Variants in SNX24 observed in about 807,000 individuals in gnomAD.
The protein encoded by SNX24 is sorting nexin 24, also known as sorting nexin-24.
A neutral mutation model predicts 28.7 loss-of-function variants in SNX24; 22 were observed. The ratio of observed to expected loss-of-function variants is 0.77; its 90% CI spans 0.55 to 1.10. The LOEUF (loss-of-function observed/expected upper bound fraction) is 1.10, where lower values mean the gene tolerates loss of function less well. SNX24 is among the 50% of genes least tolerant of loss of function. SNX24 has a pLI of 0.00. For synonymous variants in SNX24, 69 were observed against 71.5 expected (o/e 0.96, Z 0.18); for missense variants, 221 against 201.1 (o/e 1.10, Z -0.60).
At chr5:122,952,442 A>G (rs371923425) in intron 3 of SNX24, among the ~76,000 whole-genome samples, 25 of 152,164 alleles carry the variant, frequency 1.6e-4, no homozygotes, top group African/African-American at 5.1e-4. Context: ...CCCCCTTCGC[A>G]CTCACCCCAG....
intron 1 of SNX24, among the ~76,000 whole-genome samples, chr5:122,856,897 C>T (rs1755218886): frequency 6.6e-6 from 1 of 152,166 alleles, no homozygotes; most frequent in Non-Finnish European, 1.5e-5. Context: ...GTGCTGCAGT[C>T]TATTTCCTTT....
At chr5:122,939,571 G>A (rs1040585964) in intron 2 of SNX24, among the ~76,000 whole-genome samples, 1 of 152,124 alleles carries the variant, frequency 6.6e-6, no homozygotes, top group African/African-American at 2.4e-5. Context: ...TGATGTGTCT[G>A]TTTTTACCCT....
intron 2 of SNX24, among the ~76,000 whole-genome samples, chr5:122,944,779 C>G (rs773492983): frequency 4.6e-5 from 7 of 152,242 alleles, no homozygotes; most frequent in African/African-American, 1.7e-4. Flanking sequence ...TGAATATACT[C>G]TTACATATGG....
rs758848361 is a variant in SNX24, at chr5:122,845,710, G to A, written c.60+17G>A. On this transcript the variant is annotated intron_variant, in intron 1 of 6. Transcript: ENST00000261369. The stretch of plus-strand genomic sequence containing the variant: ...GGATACACGGTAGGCGCGGGCCGCG[G>A]GCGGACAGGGCCCCGCGAGCCAGGC... 2 of 1,355,622 alleles carry A rather than the reference G, an allele frequency of 1.5e-6. No individual in the cohort carries two copies. Among genetic ancestry groups the A allele is most frequent in the Admixed American group, 5.9e-5 (2 of 34,032 alleles). The allele number at this position is 1,355,622 out of a possible 1,614,324, so 84.0% of individuals were successfully genotyped here.
chr5:122,905,323 C>T (rs1486453418), intron 1 of SNX24, among the ~76,000 whole-genome samples: 2 of 152,048 alleles, frequency 1.3e-5, no homozygotes, highest in Admixed American at 1.3e-4. Context: ...TGCCAGCGCA[C>T]CCTGAGAGGT....
intron 1 of SNX24, among the ~76,000 whole-genome samples, chr5:122,895,343 G>A (rs1757154056): frequency 6.6e-6 from 1 of 152,138 alleles, no homozygotes; most frequent in South Asian, 2.1e-4. Context: ...ATTTTAACAT[G>A]ATGTCATCTC....
chr5:122,876,032 A>T (rs936909394), intron 1 of SNX24, among the ~76,000 whole-genome samples: 1 of 152,144 alleles, frequency 6.6e-6, no homozygotes, highest in Admixed American at 6.5e-5. Flanking sequence ...TTTAGTAGAG[A>T]CGGGGTTTTG....
intron 3 of SNX24, among the ~76,000 whole-genome samples, chr5:122,973,802 C>G (rs1216537350): frequency 6.6e-6 from 1 of 152,168 alleles, no homozygotes; most frequent in African/African-American, 2.4e-5. Flanking sequence ...AGCTGTCTCT[C>G]AAAAGGAGAG....
intron 3 of SNX24, chr5:122,998,313 C>T (rs1354518526): frequency 6.6e-6 from 1 of 152,044 alleles, no homozygotes; most frequent in Non-Finnish European, 1.5e-5. Flanking sequence ...TACGCTATTT[C>T]GATTCTATCT....
intron 1 of SNX24, among the ~76,000 whole-genome samples, chr5:122,855,383 C>G (rs1424283606): frequency 6.6e-6 from 1 of 152,154 alleles, no homozygotes; most frequent in African/African-American, 2.4e-5. Flanking sequence ...TGCCAATTTC[C>G]TAAGACAATT....
chr5:123,024,771 T>C (rs1581871651), intron 5 of SNX24, among the ~76,000 whole-genome samples: 1 of 152,146 alleles, frequency 6.6e-6, no homozygotes, highest in Non-Finnish European at 1.5e-5. Context: ...TATTTACATT[T>C]GGATGAGGGA....
At chr5:123,015,474 T>A (rs1762663870) in intron 5 of SNX24, among the ~76,000 whole-genome samples, 1 of 152,210 alleles carries the variant, frequency 6.6e-6, no homozygotes, top group African/African-American at 2.4e-5. Flanking sequence ...TCTATTCTTT[T>A]TACAAATACC....
At chr5:122,985,448 G>A (rs1581834016) in intron 3 of SNX24, among the ~76,000 whole-genome samples, 1 of 152,304 alleles carries the variant, frequency 6.6e-6, no homozygotes, top group East Asian at 1.9e-4. Context: ...AGGAAGAAAT[G>A]CAAGTCATTT....
intron 3 of SNX24, among the ~76,000 whole-genome samples, chr5:122,984,490 G>A (rs573178384): frequency 1.3e-4 from 20 of 152,256 alleles, no homozygotes; most frequent in African/African-American, 4.8e-4. Context: ...CTTGAAGTGG[G>A]CATCTGCTGT....
At chr5:123,012,204 A>G (rs1762595315), downstream of SNX24, among the ~76,000 whole-genome samples, 1 of 152,150 alleles carries the variant, frequency 6.6e-6, no homozygotes, top group Non-Finnish European at 1.5e-5. Flanking sequence ...TCCTTTATAA[A>G]TTACCCACTC....
At chr5:122,905,819 G>A (rs776236473) in intron 1 of SNX24, among the ~76,000 whole-genome samples, 1 of 152,138 alleles carries the variant, frequency 6.6e-6, no homozygotes, top group African/African-American at 2.4e-5. Flanking sequence ...AAATTTAAAT[G>A]ATTTTTACCT....
chr5:122,942,520 C>A (rs1306981637), intron 2 of SNX24, among the ~76,000 whole-genome samples: 1 of 152,140 alleles, frequency 6.6e-6, no homozygotes, highest in Non-Finnish European at 1.5e-5. Context: ...AAAAGTATTT[C>A]TGCTTCTTTG....
intron 3 of SNX24, among the ~76,000 whole-genome samples, chr5:122,997,846 T>A (rs1027001247): frequency 4.0e-5 from 6 of 148,960 alleles, no homozygotes; most frequent in Middle Eastern, 3.2e-3. Flanking sequence ...TAATTAAAAC[T>A]ATTGCCTGGG....
chr5:122,956,688 G>A (rs1409152499), intron 3 of SNX24, among the ~76,000 whole-genome samples: 1 of 152,068 alleles, frequency 6.6e-6, no homozygotes, highest in Non-Finnish European at 1.5e-5. Context: ...TCCTCCTCAT[G>A]AGCACCTGTT....
Sources: gnomAD v4.1 joint callset for allele counts (sites outside exome capture counted in the v4.1 genomes callset) on GRCh38, gnomAD v4.1.1 for gene constraint, MANE v1.5 for transcripts, NCBI Gene and HGNC (gene_info 2026-07-23, HGNC 2026-07-21) for gene names.